Variants in SIDT1 observed in about 807,000 individuals in gnomAD.
The protein encoded by SIDT1 is SID1 transmembrane family, member 1.
In SIDT1, 101 loss-of-function variants were observed where a neutral mutation model predicts 107.5. The ratio of observed to expected loss-of-function variants is 0.94; its 90% CI spans 0.80 to 1.11. SIDT1 has a LOEUF of 1.11. SIDT1 is among the 50% of genes least tolerant of loss of function. SIDT1 has a pLI of 0.00. For missense variants in SIDT1, 1,076 were observed against 1,058.2 expected (o/e 1.02, Z -0.23); for synonymous variants, 395 against 398.2 (o/e 0.99, Z 0.10).
At position 113,535,736 on chromosome 3, in the gene SIDT1, T is replaced by C. The variant is rs569788714; in HGVS notation, c.222+2493T>C. On this transcript the variant is annotated intron_variant, in intron 1 of 24. Coordinates refer to ENST00000264852, the MANE Select transcript of SIDT1 (RefSeq NM_017699.3). ...CAGTATTCTCAATATAAGCCAAATG[T>C]CCTCAAATCTTACAGCCTTCTGGGA... 7.9e-5 allele frequency among the ~76,000 whole-genome samples: 12 copies of C among 152,342 alleles called. No individual in the cohort carries two copies. The South Asian group carries it at 2.3e-3, about 29-fold the overall frequency.
chr3:113,612,009 A>G (rs968051061), intron 18 of SIDT1, 77 bp from the exon 19 acceptor site: 23 of 1,041,948 alleles, frequency 2.2e-5, no homozygotes, highest in Non-Finnish European at 2.9e-5. Context: ...CTCCTTACAC[A>G]TACAGGAGAG....
intron 9 of SIDT1, among the ~76,000 whole-genome samples, chr3:113,589,165 GA>G (rs1943960156): frequency 6.6e-6 from 1 of 152,186 alleles, no homozygotes; most frequent in East Asian, 1.9e-4. Context: ...CTAGATTCAG[GA>G]AATGAAGATG....
intron 18 of SIDT1, 63 bp downstream of exon 18, chr3:113,611,207 A>G (rs982939143): frequency 5.1e-6 from 8 of 1,571,108 alleles, no homozygotes; most frequent in Admixed American, 1.8e-5. Context: ...CAATAAACAA[A>G]CAACAATCAA....
At chr3:113,574,153 G>A (rs1942709712) in intron 3 of SIDT1, among the ~76,000 whole-genome samples, 1 of 152,180 alleles carries the variant, frequency 6.6e-6, no homozygotes. Flanking sequence ...GAGGTAGAAA[G>A]GCAGATTAAA....
At chr3:113,559,867 T>A (rs1941260945) in intron 1 of SIDT1, among the ~76,000 whole-genome samples, 1 of 152,196 alleles carries the variant, frequency 6.6e-6, no homozygotes, top group Non-Finnish European at 1.5e-5. Context: ...TGTACAAACA[T>A]CCCTAGTCTG....
At chr3:113,536,794 T>A (rs922979786) in intron 1 of SIDT1, among the ~76,000 whole-genome samples, 2 of 152,238 alleles carry the variant, frequency 1.3e-5, no homozygotes, top group Non-Finnish European at 2.9e-5. Context: ...ATAAGAATGA[T>A]GAAAATAATA....
intron 14 of SIDT1, 156 bp from the exon 15 acceptor site, chr3:113,606,885 G>T (rs1051438593): frequency 1.8e-6 from 1 of 558,658 alleles, no homozygotes; most frequent in Non-Finnish European, 3.3e-6. Flanking sequence ...GCTGTGTAAG[G>T]TGGCAGATAA....
intron 1 of SIDT1, among the ~76,000 whole-genome samples, chr3:113,561,645 T>G (rs1191674806): frequency 6.6e-6 from 1 of 152,174 alleles, no homozygotes; most frequent in Non-Finnish European, 1.5e-5. Context: ...GAACTATCCT[T>G]CCCAAAGTCT....
Position 113,533,114 on chromosome 3 carries a change from G to C in SIDT1, c.93G>C (p.Gln31His). The C allele has an allele frequency of 6.5e-7, 1 of 1,544,892 alleles. No homozygotes were observed. Among genetic ancestry groups the C allele is most frequent in the Non-Finnish European group, 8.7e-7 (1 of 1,147,606 alleles). Residue 31 changes from glutamine to histidine, a missense_variant, in exon 1 of 25, where the codon CAG (glutamine) becomes CAC (histidine). Gln to His is a conservative substitution (Grantham distance 24). Coordinates refer to ENST00000264852, the MANE Select transcript of SIDT1 (RefSeq NM_017699.3). ...SPGHPAKSPRQPPAPRRDPFD... is the reference protein window; with the variant it reads ...SPGHPAKSPRHPPAPRRDPFD... ...GGCACCCGGCGAAATCCCCCAGGCAGCCCCCGGCACCGCGCCGCGACCCCT... is the reference window on the plus strand; with the variant it reads ...GGCACCCGGCGAAATCCCCCAGGCACCCCCCGGCACCGCGCCGCGACCCCT...
Position 113,614,122 on chromosome 3 carries a change from T to C in SIDT1, c.1966+1928T>C, listed in dbSNP as rs16861235. ...GGAGAGAGTTACAGGGAAAAGTCAC[T>C]CTGAAAGGAACAGTGACCTTTCATG... is the stretch of plus-strand genomic sequence containing the variant. On this transcript the variant is annotated intron_variant, in intron 19 of 24. Coordinates refer to ENST00000264852, the MANE Select transcript of SIDT1 (RefSeq NM_017699.3). Among the ~76,000 whole-genome samples the C allele has an allele frequency of 5.4e-3, 826 of 152,306 alleles. 13 individuals are homozygous for C. The highest frequency in any genetic ancestry group is 0.032 in the Admixed American group (496 of 15,306).
At chr3:113,562,971 C>G (rs1941565878) in intron 1 of SIDT1, among the ~76,000 whole-genome samples, 1 of 152,100 alleles carries the variant, frequency 6.6e-6, no homozygotes, top group Non-Finnish European at 1.5e-5. Flanking sequence ...AATCAGAGGC[C>G]ACACAGCACA....
In SIDT1 at chr3:113,583,822, G is replaced by A. The variant is rs148473778; in HGVS notation, c.835+326G>A. ...CCATGAAGTAATGATCTTACACAGC[G>A]ATCAAAGTCCATTTCTTAAGATGGG... On this transcript the variant is annotated intron_variant, in intron 7 of 24. Coordinates refer to ENST00000264852, the MANE Select transcript of SIDT1 (RefSeq NM_017699.3). 8.2e-3 allele frequency among the ~76,000 whole-genome samples: 1,255 copies of A among 152,212 alleles called. 17 individuals are homozygous for A. The highest frequency in any genetic ancestry group is 0.028 in the African/African-American group (1,177 of 41,530).
intron 6 of SIDT1, among the ~76,000 whole-genome samples, chr3:113,582,044 T>C (rs1330499958): frequency 6.6e-6 from 1 of 152,170 alleles, no homozygotes; most frequent in Non-Finnish European, 1.5e-5. Context: ...AGGGTGAAGT[T>C]TGTCAGATCC....
intron 23 of SIDT1, among the ~76,000 whole-genome samples, chr3:113,625,742 A>AT (rs1055211916): frequency 2.3e-4 from 35 of 151,792 alleles, no homozygotes; most frequent in African/African-American, 6.0e-4. Context: ...TTTAAATTGG[A>AT]TTTTTTTTCC....
Position 113,567,633 on chromosome 3 carries a change from T to C in SIDT1, c.438T>C (p.Phe146=). Residue 146 remains phenylalanine, a synonymous_variant, in exon 3 of 25, where the codon TTT becomes TTC. Coordinates refer to ENST00000264852, the MANE Select transcript of SIDT1 (RefSeq NM_017699.3). ...CGGGACCCTTGCAGCAACTGATATT[T>C]GTAGATGTCGCATCCATGGCACCCC... ...NETGPLQQLI[F]VDVASMAPLG... is the part of the protein sequence containing the mutation. 1 of 1,614,146 alleles carries C rather than the reference T, an allele frequency of 6.2e-7. No individual in the cohort carries two copies. The highest frequency in any genetic ancestry group is 1.3e-5 in the African/African-American group (1 of 75,040).
intron 19 of SIDT1, among the ~76,000 whole-genome samples, chr3:113,614,697 T>C (rs1945982757): frequency 6.6e-6 from 1 of 152,344 alleles, no homozygotes; most frequent in East Asian, 1.9e-4. Flanking sequence ...TTAGCTCTCA[T>C]AAACCGCAGA....
chr3:113,568,174 T>C (rs1942093640), intron 3 of SIDT1, among the ~76,000 whole-genome samples: 1 of 120,978 alleles, frequency 8.3e-6, no homozygotes, highest in Non-Finnish European at 1.7e-5. Flanking sequence ...CTAGTATTAT[T>C]TTCCCCCTGT....
rs1945998432 is a variant in SIDT1, at chr3:113,614,934, A to C, written c.1967-1166A>C. On this transcript the variant is annotated intron_variant, in intron 19 of 24. Transcript: ENST00000264852. ...TTTGACAAGTAAGCATTACTTTTATAATCAGAAAGCAAAATTAAAGTCATC... is the reference window on the plus strand; with the variant it reads ...TTTGACAAGTAAGCATTACTTTTATCATCAGAAAGCAAAATTAAAGTCATC... 3 of 921,514 alleles carry C rather than the reference A, an allele frequency of 3.3e-6. No homozygotes were observed. The East Asian group carries it at 7.9e-5, about 24-fold the overall frequency. 57.1% of individuals were successfully genotyped at this position (921,514 alleles called of 1,614,324 possible).
intron 1 of SIDT1, among the ~76,000 whole-genome samples, chr3:113,553,314 T>A (rs1474186575): frequency 6.6e-6 from 1 of 152,134 alleles, no homozygotes; most frequent in African/African-American, 2.4e-5. Flanking sequence ...GTATTTAAAG[T>A]TATAAATGGC....
Sources: allele counts gnomAD v4.1 joint callset (sites outside exome capture counted in the v4.1 genomes callset), GRCh38; gene constraint gnomAD v4.1.1; transcripts MANE v1.5; gene names NCBI Gene and HGNC (gene_info 2026-07-23, HGNC 2026-07-21).